The following CTNNA2 variants were observed in gnomAD, a reference collection of about 807,000 sequenced individuals.
CTNNA2 encodes catenin alpha 2, also known as catenin alpha-2.
A neutral mutation model predicts 101.0 loss-of-function variants in CTNNA2; 42 were observed. The observed-to-expected ratio is 0.42, with a 90% CI of 0.32 to 0.54. The LOEUF is 0.54. Among genes scored for constraint, CTNNA2 ranks in the 20% least tolerant of loss-of-function variants. CTNNA2 has a pLI of 0.14. For synonymous variants in CTNNA2, 450 were observed against 456.4 expected (o/e 0.99, Z 0.18); for missense variants, 871 against 1,223.1 (o/e 0.71, Z 4.29).
intron 3 of CTNNA2, among the ~76,000 whole-genome samples, chr2:79,338,578 ATCTTCTTCTTCTTCTTCTTCTTCTTCT>A (rs70940029): frequency 2.5e-5 from 3 of 117,740 alleles, no homozygotes; most frequent in African/African-American, 1.0e-4. Context: ...CCTCCTCATC[ATCTTCTTCTTCTTCTTCTTCTTCTTCT>A]TCTTCTTCTT....
intron 7 of CTNNA2, among the ~76,000 whole-genome samples, chr2:79,962,618 G>A (rs1450013270): frequency 6.6e-6 from 1 of 152,152 alleles, no homozygotes; most frequent in African/African-American, 2.4e-5. Context: ...CCAACACAGT[G>A]GAGAACCAAC....
At position 80,555,689 on chromosome 2, in the gene CTNNA2, A is replaced by G. The variant is rs1321121944; in HGVS notation, c.1541-4A>G. ...ATCTAAATGTGTATGTGTCCTCTCC[A>G]TAGAAAATCACATCTTGGAGGATGT... On this transcript the variant is annotated splice_polypyrimidine_tract_variant and splice_region_variant and intron_variant, in intron 11 of 18. Transcript: ENST00000402739. 1 of 1,497,350 alleles carries G rather than the reference A, an allele frequency of 6.7e-7. No individual in the cohort carries two copies. The highest frequency in any genetic ancestry group is 8.9e-7 in the Non-Finnish European group (1 of 1,118,556). 92.8% of individuals were successfully genotyped at this position (1,497,350 alleles called of 1,614,324 possible).
chr2:80,483,601 T>C (rs762112685), intron 9 of CTNNA2, among the ~76,000 whole-genome samples: 1 of 151,972 alleles, frequency 6.6e-6, no homozygotes, highest in Admixed American at 6.6e-5. Flanking sequence ...GACTTTGAAA[T>C]GGAGAATCTT....
At chr2:79,908,802 C>G (rs1269296430) in intron 6 of CTNNA2, among the ~76,000 whole-genome samples, 1 of 152,146 alleles carries the variant, frequency 6.6e-6, no homozygotes, top group Non-Finnish European at 1.5e-5. Context: ...TACCAGATCC[C>G]TATAAAGACT....
chr2:79,723,377 G>T (rs1011579914), intron 2 of CTNNA2, among the ~76,000 whole-genome samples: 1 of 152,142 alleles, frequency 6.6e-6, no homozygotes, highest in Non-Finnish European at 1.5e-5. Flanking sequence ...TTCCCTACTG[G>T]TATCAGTGTA....
rs926497260 is a variant in CTNNA2 at position 79,674,475 on chromosome 2, G to C, written c.102+22817G>C. Reference sequence around the variant, plus strand: ...TGTAACACTTTTCAAATAATTCACAGGATAGAAAAAATATATAAGAAATTT... The same window carrying C: ...TGTAACACTTTTCAAATAATTCACACGATAGAAAAAATATATAAGAAATTT... On this transcript the variant is annotated intron_variant, in intron 2 of 18. Transcript: ENST00000402739. Among the ~76,000 whole-genome samples the C allele has an allele frequency of 5.9e-5, 9 of 151,954 alleles. No homozygotes were observed. In the South Asian group the frequency reaches 8.3e-4, roughly 14 times the overall value.
chr2:79,378,794 C>G (rs1436325752), intron 4 of CTNNA2, among the ~76,000 whole-genome samples: 2 of 152,118 alleles, frequency 1.3e-5, no homozygotes, highest in Non-Finnish European at 2.9e-5. Context: ...CGCTCATATT[C>G]TCTATCAGGA....
At chr2:79,527,797 A>G (rs1055188526) in intron 1 of CTNNA2, among the ~76,000 whole-genome samples, 1 of 152,152 alleles carries the variant, frequency 6.6e-6, no homozygotes, top group East Asian at 1.9e-4. Flanking sequence ...TTATGACCCA[A>G]CAATTCTATT....
intron 4 of CTNNA2, among the ~76,000 whole-genome samples, chr2:79,387,485 T>G (rs1196869896): frequency 6.6e-6 from 1 of 152,196 alleles, no homozygotes. Flanking sequence ...AGTGCAGAGT[T>G]GAACGGTGTG....
chr2:79,838,399 G>C (rs567466475), intron 3 of CTNNA2, among the ~76,000 whole-genome samples: 196 of 152,158 alleles, frequency 1.3e-3, no homozygotes, highest in African/African-American at 4.4e-3. Flanking sequence ...GAAGAAGAAA[G>C]GAATGTTGTG....
chr2:79,479,232 A>AGACTT (rs763400455), intron 4 of CTNNA2, among the ~76,000 whole-genome samples: 4 of 152,188 alleles, frequency 2.6e-5, no homozygotes, highest in Admixed American at 6.5e-5. Flanking sequence ...CCCTTTCACT[A>AGACTT]GACTTGAGCT....
rs1692313228 is a variant in CTNNA2 at position 79,993,339 on chromosome 2, T to C, written c.1056+83542T>C. Among the ~76,000 whole-genome samples the C allele has an allele frequency of 2.6e-5, 4 of 152,142 alleles. No individual in the cohort carries two copies. In the South Asian group the frequency reaches 8.3e-4, roughly 32 times the overall value. On this transcript the variant is annotated intron_variant, in intron 7 of 18. Coordinates refer to ENST00000402739, the MANE Select transcript of CTNNA2 (RefSeq NM_001282597.3). ...CTTCACTGCTAATTGGCCTGTTCTC[T>C]CTCCCTCTCCATTTTTTGGGCTCCC...
At chr2:79,672,310 A>C (rs17017500) in intron 2 of CTNNA2, among the ~76,000 whole-genome samples, 30,150 of 152,126 alleles carry the variant, frequency 0.2, 3,232 homozygotes, top group East Asian at 0.45. Flanking sequence ...AAACAAACCA[A>C]ACTAGAATTT....
At chr2:79,722,413 C>T (rs1323298624) in intron 2 of CTNNA2, among the ~76,000 whole-genome samples, 2 of 152,080 alleles carry the variant, frequency 1.3e-5, no homozygotes, top group African/African-American at 4.8e-5. Flanking sequence ...CAGAAATGTA[C>T]GTTCAGTTAA....
intron 15 of CTNNA2, chr2:80,602,001 C>A (rs551415655): frequency 6.6e-6 from 1 of 151,978 alleles, no homozygotes; most frequent in Non-Finnish European, 1.5e-5. Context: ...TCTCTCTGTG[C>A]GTAGCAGTGT....
At chr2:79,227,505 A>G (rs1674435325) in intron 2 of CTNNA2, among the ~76,000 whole-genome samples, 1 of 152,112 alleles carries the variant, frequency 6.6e-6, no homozygotes, top group Non-Finnish European at 1.5e-5. Context: ...AAAATAAACA[A>G]TGTTACAAGC....
chr2:79,463,539 G>T (rs541387793), intron 4 of CTNNA2, among the ~76,000 whole-genome samples: 6 of 152,164 alleles, frequency 3.9e-5, no homozygotes, highest in African/African-American at 1.4e-4. Context: ...CTGCTGGGAG[G>T]GCAGCCACCT....
rs112046245 is a variant in CTNNA2 at position 80,290,598 on chromosome 2, AT to A, written c.1057-102605del. ...GCCCCCTTGAAAATACTATTTAGACATTTTTTTTCCTAATTACTCCCCCTCC... is the reference window on the plus strand; with the variant it reads ...GCCCCCTTGAAAATACTATTTAGACATTTTTTTCCTAATTACTCCCCCTCC... On this transcript the variant is annotated intron_variant, in intron 7 of 18. Coordinates refer to ENST00000402739, the MANE Select transcript of CTNNA2 (RefSeq NM_001282597.3). Among the ~76,000 whole-genome samples the A allele has an allele frequency of 2.2e-4, 33 of 150,866 alleles. 1 individual carries two copies. The highest frequency in any genetic ancestry group is 2.2e-3 in the East Asian group (11 of 5,104).
chr2:79,576,514 A>G (rs534246219), intron 1 of CTNNA2, among the ~76,000 whole-genome samples: 1 of 152,250 alleles, frequency 6.6e-6, no homozygotes, highest in African/African-American at 2.4e-5. Flanking sequence ...TTGATTCTGT[A>G]AGGACTTCAT....
Sources: allele counts gnomAD v4.1 joint callset (sites outside exome capture counted in the v4.1 genomes callset), GRCh38; gene constraint gnomAD v4.1.1; transcripts MANE v1.5; gene names NCBI Gene and HGNC (gene_info 2026-07-23, HGNC 2026-07-21).